Variants in LOXL2 observed in about 807,000 individuals in gnomAD.
LOXL2 encodes lysyl oxidase homolog 2.
A neutral mutation model predicts 93.0 loss-of-function variants in LOXL2; 70 were observed. That is an observed-to-expected ratio of 0.75 (90% CI 0.62 to 0.92). The LOEUF (loss-of-function observed/expected upper bound fraction) is 0.92. LOXL2 is among the 40% of genes least tolerant of loss of function. The probability of loss-of-function intolerance (pLI) is 0.00; values close to 1 mark genes in which losing one functional copy is unlikely to be tolerated. For synonymous variants in LOXL2, 438 were observed against 413.2 expected (o/e 1.06, Z -0.73); for missense variants, 973 against 1,054.9 (o/e 0.92, Z 1.08).
chr8:23,343,937 G>A (rs1314385710), intron 3 of LOXL2, among the ~76,000 whole-genome samples: 1 of 152,254 alleles, frequency 6.6e-6, no homozygotes, highest in African/African-American at 2.4e-5. Flanking sequence ...GAAAGTTACT[G>A]CCTAGCATCA....
At chr8:23,361,879 G>A (rs1438395105) in intron 2 of LOXL2, among the ~76,000 whole-genome samples, 2 of 150,340 alleles carry the variant, frequency 1.3e-5, no homozygotes, top group East Asian at 1.9e-4. Context: ...AAAAAAAACA[G>A]AAAATGACAG....
chr8:23,343,610 C>G (rs1803922532), intron 3 of LOXL2, among the ~76,000 whole-genome samples: 1 of 152,244 alleles, frequency 6.6e-6, no homozygotes, highest in African/African-American at 2.4e-5. Context: ...TCAGGGTCCA[C>G]AGCCAGGCCC....
At chr8:23,318,954 G>T (rs1272561126) in intron 8 of LOXL2, among the ~76,000 whole-genome samples, 1 of 152,212 alleles carries the variant, frequency 6.6e-6, no homozygotes, top group African/African-American at 2.4e-5. Flanking sequence ...AGACAGTCAG[G>T]CTCAGTAAGG....
intron 1 of LOXL2, among the ~76,000 whole-genome samples, chr8:23,368,651 A>T (rs1438053744): frequency 2.0e-5 from 3 of 152,166 alleles, no homozygotes; most frequent in Non-Finnish European, 4.4e-5. Flanking sequence ...TTTCCAGTAG[A>T]GTTCCTGGCA....
chr8:23,345,766 G>A (rs1166354737), intron 3 of LOXL2, among the ~76,000 whole-genome samples: 1 of 152,050 alleles, frequency 6.6e-6, no homozygotes, highest in East Asian at 1.9e-4. Flanking sequence ...GTCTAGACTT[G>A]CTAGTTTAAA....
intron 1 of LOXL2, among the ~76,000 whole-genome samples, chr8:23,379,938 C>G (rs1804653906): frequency 6.6e-6 from 1 of 151,846 alleles, no homozygotes; most frequent in Non-Finnish European, 1.5e-5. Context: ...CGGGCTGCAC[C>G]CACTGTCCTG....
At chr8:23,375,088 T>G (rs1364869850) in intron 1 of LOXL2, among the ~76,000 whole-genome samples, 1 of 152,186 alleles carries the variant, frequency 6.6e-6, no homozygotes, top group African/African-American at 2.4e-5. Context: ...GGTCTAACAT[T>G]TAAGTCTTTA....
chr8:23,333,410 G>A lies in LOXL2; in HGVS notation c.957C>T (p.Tyr319=). The A allele has an allele frequency of 6.2e-7, 1 of 1,613,812 alleles. No individual in the cohort carries two copies. Among genetic ancestry groups the A allele is most frequent in the Non-Finnish European group, 8.5e-7 (1 of 1,180,028 alleles). ...PDGPSRFRKA[Y]KPEQPLVRLR... is the part of the protein sequence containing the mutation. ...CGTGCCCCGTCCTCACCTCTGGCTT[G>A]TACGCTTTCCGGAATCTTGAGGGTC... Residue 319 remains tyrosine, a synonymous_variant, in exon 5 of 14, where the codon TAC becomes TAT. Transcript: ENST00000389131.
At chr8:23,361,005 AT>A (rs1015307800) in intron 2 of LOXL2, among the ~76,000 whole-genome samples, 197 of 151,798 alleles carry the variant, frequency 1.3e-3, no homozygotes, top group African/African-American at 4.4e-3. Flanking sequence ...GGTTCAAGTG[AT>A]TCCCCTGCCT....
chr8:23,395,193 G>A (rs1800075315), intron 1 of LOXL2, among the ~76,000 whole-genome samples: 1 of 152,044 alleles, frequency 6.6e-6, no homozygotes, highest in African/African-American at 2.4e-5. Context: ...GACGGAGGTT[G>A]CAGTGAGCCG....
intron 2 of LOXL2, among the ~76,000 whole-genome samples, chr8:23,360,625 T>C (rs1211907287): frequency 6.6e-6 from 1 of 152,172 alleles, no homozygotes; most frequent in East Asian, 1.9e-4. Flanking sequence ...GGGCCCTTTT[T>C]CTTATCAGTA....
intron 7 of LOXL2, among the ~76,000 whole-genome samples, chr8:23,320,266 G>A (rs971378101): frequency 2.0e-5 from 3 of 152,204 alleles, no homozygotes; most frequent in African/African-American, 7.2e-5. Flanking sequence ...TAAGCAGCTG[G>A]GGAGGCCCTG....
At chr8:23,383,682 A>C (rs1804713660) in intron 1 of LOXL2, among the ~76,000 whole-genome samples, 1 of 109,584 alleles carries the variant, frequency 9.1e-6, no homozygotes. Flanking sequence ...TTTTTTTGAG[A>C]CAGAGTCTTG....
rs1420212742 is a variant in LOXL2 at position 23,297,042 on chromosome 8, T to G, written c.*1001A>C. On this transcript the variant is annotated 3_prime_UTR_variant, in exon 14 of 14. Coordinates refer to ENST00000389131, the MANE Select transcript of LOXL2 (RefSeq NM_002318.3). ...GAAGGAGGTGCCCTGGTGGCCACACTGGGCTGGAGGGGATCTGAGGACCCA... is the reference window on the plus strand; with the variant it reads ...GAAGGAGGTGCCCTGGTGGCCACACGGGGCTGGAGGGGATCTGAGGACCCA... The G allele has an allele frequency of 6.6e-6, 1 of 152,210 alleles. No homozygotes were observed. The highest frequency in any genetic ancestry group is 1.5e-5 in the Non-Finnish European group (1 of 68,044). The allele number at this position is 152,210 out of a possible 1,614,324, so 9.4% of individuals were successfully genotyped here.
intron 9 of LOXL2, among the ~76,000 whole-genome samples, chr8:23,316,506 A>T (rs1241855982): frequency 6.6e-6 from 1 of 151,986 alleles, no homozygotes; most frequent in Non-Finnish European, 1.5e-5. Flanking sequence ...CTGTGGGCTC[A>T]ATCTCTCTAG....
intron 9 of LOXL2, among the ~76,000 whole-genome samples, chr8:23,311,752 G>A (rs537513742): frequency 3.9e-5 from 6 of 152,332 alleles, no homozygotes; most frequent in South Asian, 2.1e-4. Flanking sequence ...GCAAGGCAGA[G>A]GTGGAACTAC....
chr8:23,330,201 G>C (rs939335391), intron 5 of LOXL2, among the ~76,000 whole-genome samples: 2 of 152,188 alleles, frequency 1.3e-5, no homozygotes, highest in Admixed American at 6.5e-5. Context: ...AGGTGCGGTG[G>C]CGGGTGCCTG....
At chr8:23,313,632 C>A (rs1188741628) in intron 9 of LOXL2, among the ~76,000 whole-genome samples, 3 of 152,068 alleles carry the variant, frequency 2.0e-5, no homozygotes, top group Non-Finnish European at 4.4e-5. Context: ...CTCACACCTT[C>A]TACAAAAATC....
intron 3 of LOXL2, among the ~76,000 whole-genome samples, chr8:23,343,750 G>A (rs1168228603): frequency 2.0e-5 from 3 of 152,152 alleles, no homozygotes; most frequent in Non-Finnish European, 4.4e-5. Context: ...CCTGGATCCT[G>A]GATCCTTTAC....
Sources: allele counts gnomAD v4.1 joint callset (sites outside exome capture counted in the v4.1 genomes callset), GRCh38; gene constraint gnomAD v4.1.1; transcripts MANE v1.5; gene names NCBI Gene and HGNC (gene_info 2026-07-23, HGNC 2026-07-21).